Variants in BRWD3 observed in about 807,000 individuals in gnomAD.
The protein encoded by BRWD3 is bromodomain and WD repeat domain containing 3, also known as bromodomain and WD repeat-containing protein 3.
BRWD3 carries 10 observed loss-of-function variants against 149.7 expected under a neutral mutation model. The ratio of observed to expected loss-of-function variants is 0.07; its 90% confidence interval spans 0.04 to 0.11. BRWD3 has a LOEUF of 0.11. Ranked by LOEUF, BRWD3 falls within the 10% of genes least tolerant of loss-of-function variation. The pLI, the probability that BRWD3 is intolerant of heterozygous loss-of-function variation, is 1.00. For missense variants in BRWD3, 940 were observed against 1,373.2 expected, an observed-to-expected ratio of 0.68 and a Z score of 4.99; for synonymous variants, 504 against 456.7, an observed-to-expected ratio of 1.10 and a Z score of -1.32.
At chrX:80,777,192 C>T (rs2074008764) in intron 6 of BRWD3, among the ~76,000 whole-genome samples, 1 of 109,587 alleles carries the variant, frequency 9.1e-6, no homozygotes, top group Non-Finnish European at 1.9e-5. Flanking sequence ...AATCACTAAC[C>T]ACGACAGAAT....
Position 80,676,182 on chromosome X carries a change from CAAACTATATA to C in BRWD3, c.*417_*426del, listed in dbSNP as rs1249976027. 1.5e-5 allele frequency: 2 copies of C among 132,179 alleles called. No homozygotes were observed. Among genetic ancestry groups the C allele is most frequent in the African/African-American group, 6.4e-5 (2 of 31,179 alleles). The allele number at this position is 132,179 out of a possible 1,213,427, so 10.9% of individuals were successfully genotyped here. On this transcript the variant is annotated 3_prime_UTR_variant, in exon 41 of 41. Transcript: ENST00000373275. Reference sequence around the variant, plus strand: ...GGTATAGGAATCAAAATGGCAAAAACAAACTATATAAAACTCTGTAAGAAGGTGCTATACT... The same window carrying C: ...GGTATAGGAATCAAAATGGCAAAAACAAACTCTGTAAGAAGGTGCTATACT...
chrX:80,713,020 G>C (rs1177915126), intron 20 of BRWD3, among the ~76,000 whole-genome samples: 2 of 108,876 alleles, frequency 1.8e-5, no homozygotes, highest in Middle Eastern at 9.6e-3. Flanking sequence ...AGGGAGGTGG[G>C]GGGGCCAGCC....
At chrX:80,770,761 G>C (rs967949778) in intron 6 of BRWD3, among the ~76,000 whole-genome samples, 1 of 111,320 alleles carries the variant, frequency 9.0e-6, no homozygotes, top group Non-Finnish European at 1.9e-5. Flanking sequence ...GGGCAATCAG[G>C]CAAGAGAAAG....
chrX:80,808,421 G>T, intron 4 of BRWD3, 118 bp downstream of exon 4: 5 of 548,237 alleles, frequency 9.1e-6, no homozygotes, highest in Non-Finnish European at 1.2e-5. Flanking sequence ...GTCGTTCTTT[G>T]GCTCTGCACC....
chrX:80,726,057 A>G (rs1235282258), intron 14 of BRWD3, among the ~76,000 whole-genome samples: 1 of 51,708 alleles, frequency 1.9e-5, no homozygotes, highest in Non-Finnish European at 3.6e-5. Context: ...ATGTCTATAT[A>G]ACACAACATG....
chrX:80,786,638 C>T (rs2074110822), intron 6 of BRWD3, among the ~76,000 whole-genome samples: 1 of 111,115 alleles, frequency 9.0e-6, no homozygotes, highest in South Asian at 3.8e-4. Flanking sequence ...CCTCAGCCTC[C>T]CAAGTAGCTA....
In BRWD3 at chrX:80,767,251, A is replaced by G. The variant is rs760109548; in HGVS notation, c.431-21522T>C. Among the ~76,000 whole-genome samples the G allele has an allele frequency of 4.5e-5, 5 of 112,255 alleles. No individual in the cohort carries two copies. The South Asian group carries it at 1.8e-3, about 41-fold the overall frequency. On this transcript the variant is annotated intron_variant, in intron 6 of 40. Coordinates refer to ENST00000373275, the MANE Select transcript of BRWD3 (RefSeq NM_153252.5). ...AGAACCGACAAACTGCCTCCTCAAG[A>G]GGTTCCCTGACCCCTGTGTAGCCTA...
chrX:80,697,562 A>G (rs998039833), intron 25 of BRWD3, among the ~76,000 whole-genome samples: 1 of 111,140 alleles, frequency 9.0e-6, no homozygotes, highest in Non-Finnish European at 1.9e-5. Context: ...TTTGTAAGAG[A>G]GGGCGTGTGG....
At chrX:80,712,310 G>C (rs1401886098) in intron 20 of BRWD3, among the ~76,000 whole-genome samples, 2 of 110,365 alleles carry the variant, frequency 1.8e-5, no homozygotes, top group Non-Finnish European at 3.8e-5. Context: ...CGCCACACCT[G>C]ACTGGTTTTC....
chrX:80,718,533 G>A (rs1463820429), intron 18 of BRWD3, among the ~76,000 whole-genome samples: 2 of 111,741 alleles, frequency 1.8e-5, no homozygotes, highest in South Asian at 3.7e-4. Context: ...TATGTCTCAG[G>A]AATAAAGGGC....
chrX:80,715,668 C>A (rs1353859204), intron 20 of BRWD3, among the ~76,000 whole-genome samples: 1 of 112,190 alleles, frequency 8.9e-6, no homozygotes, highest in African/African-American at 3.2e-5. Flanking sequence ...GCAAGTCATA[C>A]AATCTCTGTT....
At chrX:80,785,441 G>A (rs1030487711) in intron 6 of BRWD3, among the ~76,000 whole-genome samples, 3 of 112,187 alleles carry the variant, frequency 2.7e-5, no homozygotes, top group African/African-American at 9.7e-5. Flanking sequence ...AGTAGTTAGT[G>A]TGGAGAATAG....
At chrX:80,782,475 A>AC (rs1044604227) in intron 6 of BRWD3, among the ~76,000 whole-genome samples, 1 of 111,700 alleles carries the variant, frequency 9.0e-6, no homozygotes, top group Non-Finnish European at 1.9e-5. Flanking sequence ...GTTGACTAAT[A>AC]CCCCAAAAGC....
chrX:80,782,875 T>A (rs909528903), intron 6 of BRWD3, among the ~76,000 whole-genome samples: 3 of 109,778 alleles, frequency 2.7e-5, no homozygotes, highest in African/African-American at 1.0e-4. Context: ...CCAGCCTCGA[T>A]GACAGAATAA....
At chrX:80,726,051 CTA>C (rs1031327524) in intron 14 of BRWD3, among the ~76,000 whole-genome samples, 2 of 69,234 alleles carry the variant, frequency 2.9e-5, no homozygotes, top group Non-Finnish European at 5.5e-5. Context: ...CATGTTATGT[CTA>C]TATAACACAA....
chrX:80,689,751 C>A lies in BRWD3; in HGVS notation c.3807+17G>T, dbSNP rs781385801. 8.6e-7 allele frequency: 1 copy of A among 1,164,498 alleles called. No individual in the cohort carries two copies. Among genetic ancestry groups the A allele is most frequent in the South Asian group, 1.8e-5 (1 of 55,633 alleles). ...AGAAAAGTAACTCATTCCTACTAAT[C>A]ATGCTGTGATTCTTACCTCCTCTGC... On this transcript the variant is annotated intron_variant, in intron 33 of 40. Coordinates refer to ENST00000373275, the MANE Select transcript of BRWD3 (RefSeq NM_153252.5).
chrX:80,712,722 G>A (rs553179559), intron 20 of BRWD3, among the ~76,000 whole-genome samples: 22 of 109,454 alleles, frequency 2.0e-4, no homozygotes, highest in East Asian at 5.8e-4. Context: ...CTTCCCGGCC[G>A]CCCATCGTCT....
At chrX:80,742,124 C>T (rs1168312498) in intron 8 of BRWD3, among the ~76,000 whole-genome samples, 1 of 111,189 alleles carries the variant, frequency 9.0e-6, no homozygotes, top group East Asian at 2.8e-4. Context: ...CAGCTTTCTA[C>T]ATATGGCTAG....
At chrX:80,806,278 G>C (rs1368175952) in intron 4 of BRWD3, among the ~76,000 whole-genome samples, 2 of 111,129 alleles carry the variant, frequency 1.8e-5, no homozygotes, top group Non-Finnish European at 3.8e-5. Flanking sequence ...ATATTTAAAA[G>C]ATACGTTAAA....
Sources: allele counts gnomAD v4.1 joint callset (sites outside exome capture counted in the v4.1 genomes callset), GRCh38; gene constraint gnomAD v4.1.1; transcripts MANE v1.5; gene names NCBI Gene and HGNC (gene_info 2026-07-23, HGNC 2026-07-21).